Variants in TRPM6 observed in about 807,000 individuals in gnomAD.
TRPM6 encodes the protein transient receptor potential cation channel subfamily M member 6, also known as channel kinase 2.
In TRPM6, 111 loss-of-function variants were observed where a neutral mutation model predicts 247.6. The ratio of observed to expected loss-of-function variants is 0.45; its 90% CI spans 0.38 to 0.52. The LOEUF (loss-of-function observed/expected upper bound fraction) is 0.52, where lower values mean the gene tolerates loss of function less well. Among genes scored for constraint, TRPM6 ranks in the 20% least tolerant of loss-of-function variants. TRPM6 has a pLI of 0.00. For missense variants in TRPM6, 2,126 were observed against 2,421.5 expected (o/e 0.88, Z 2.56); for synonymous variants, 892 against 853.8 (o/e 1.04, Z -0.78).
In TRPM6 at chr9:74,800,319, T is replaced by G; in HGVS notation, c.2173A>C (p.Thr725Pro). Reference sequence around the variant, plus strand: ...CACATGTCTGTCAGTAGCATCTGGGTACAAGTATGTGAAACAAAGGGTCGT... The same window carrying G: ...CACATGTCTGTCAGTAGCATCTGGGGACAAGTATGTGAAACAAAGGGTCGT... The part of the protein sequence containing the change: ...GLRPFVSHTC[T>P]QMLLTDMWMG... Residue 725 changes from threonine to proline, a missense_variant, in exon 17 of 39, where the codon ACC (threonine) becomes CCC (proline). By Grantham distance (38) the Thr-to-Pro change is conservative. Around this residue, in one of 3 missense-constraint regions of TRPM6, gnomAD observed 1,082 missense variants for 1,307.9 expected, o/e 0.83. Coordinates refer to ENST00000360774, the MANE Select transcript of TRPM6 (RefSeq NM_017662.5). 6.2e-7 allele frequency: 1 copy of G among 1,614,164 alleles called. No individual in the cohort carries two copies.
intron 1 of TRPM6, among the ~76,000 whole-genome samples, chr9:74,882,792 C>T (rs1831404170): frequency 6.6e-6 from 1 of 152,320 alleles, no homozygotes; most frequent in African/African-American, 2.4e-5. Flanking sequence ...ATTCAACCAC[C>T]TATTCAAAGT....
intron 13 of TRPM6, among the ~76,000 whole-genome samples, chr9:74,810,226 A>C (rs955328927): frequency 6.6e-6 from 1 of 152,190 alleles, no homozygotes; most frequent in Non-Finnish European, 1.5e-5. Flanking sequence ...GAGGTATAAA[A>C]GTTTGTTAAA....
At chr9:74,829,410 C>A (rs1303318776) in intron 6 of TRPM6, among the ~76,000 whole-genome samples, 1 of 152,198 alleles carries the variant, frequency 6.6e-6, no homozygotes, top group Non-Finnish European at 1.5e-5. Context: ...TGCTCCACTT[C>A]GTATTTGCTT....
At chr9:74,881,123 C>T (rs1449176031) in intron 1 of TRPM6, among the ~76,000 whole-genome samples, 1 of 151,856 alleles carries the variant, frequency 6.6e-6, no homozygotes, top group African/African-American at 2.4e-5. Context: ...AGCGAGATCC[C>T]ATCTCTACAA....
chr9:74,811,317 AT>A (rs1400951573), intron 12 of TRPM6, among the ~76,000 whole-genome samples: 3 of 152,216 alleles, frequency 2.0e-5, no homozygotes, highest in Non-Finnish European at 2.9e-5. Context: ...AACCAACAAT[AT>A]GTGTGGGCTC....
chr9:74,788,020 C>CTT (rs1391132364), intron 20 of TRPM6, among the ~76,000 whole-genome samples: 1 of 148,214 alleles, frequency 6.7e-6, no homozygotes, highest in Non-Finnish European at 1.5e-5. Flanking sequence ...TGGCCCCCTC[C>CTT]TTTTTTTTTT....
chr9:74,845,547 C>T (rs1423770502), intron 3 of TRPM6, among the ~76,000 whole-genome samples: 1 of 152,102 alleles, frequency 6.6e-6, no homozygotes, highest in East Asian at 1.9e-4. Flanking sequence ...AAAAGATAAA[C>T]AGGCCAAGGG....
chr9:74,880,468 C>A (rs891888868), intron 1 of TRPM6, among the ~76,000 whole-genome samples: 3 of 152,110 alleles, frequency 2.0e-5, no homozygotes, highest in African/African-American at 4.8e-5. Flanking sequence ...TATACAGGAA[C>A]CTCCATCAGA....
chr9:74,762,380 G>T lies in TRPM6; in HGVS notation c.4291C>A (p.Pro1431Thr), dbSNP rs1212272098. Residue 1431 changes from proline to threonine, a missense_variant, in exon 26 of 39, where the codon CCT becomes ACT. Pro to Thr is a conservative substitution (Grantham distance 38). This residue lies in a region of TRPM6 where 717 missense variants were observed against 715.9 expected (regional missense o/e 1.00). Coordinates refer to ENST00000360774, the MANE Select transcript of TRPM6 (RefSeq NM_017662.5). ...EQVLPTLSCT[P>T]EPMTMSSPLS... is the part of the protein sequence containing the mutation. Reference sequence around the variant, plus strand: ...GGGGAGCTCATTGTCATGGGTTCAGGTGTGCAACTCAAAGTGGGTAGCACT... The same window carrying T: ...GGGGAGCTCATTGTCATGGGTTCAGTTGTGCAACTCAAAGTGGGTAGCACT... The T allele has an allele frequency of 3.7e-6, 6 of 1,614,198 alleles. No homozygotes were observed. Among genetic ancestry groups the T allele is most frequent in the South Asian group, 1.1e-5 (1 of 91,088 alleles).
intron 11 of TRPM6, among the ~76,000 whole-genome samples, chr9:74,816,465 G>GAAAAAAAAA (rs34100441): frequency 1.1e-5 from 1 of 93,644 alleles, no homozygotes; most frequent in Non-Finnish European, 2.1e-5. Flanking sequence ...GCAGAGCCAG[G>GAAAAAAAAA]AAAAAAAAAA....
At position 74,806,007 on chromosome 9, in the gene TRPM6, AT is replaced by A. The variant is rs538334532; in HGVS notation, c.1638+2026del. Among the ~76,000 whole-genome samples the A allele has an allele frequency of 3.3e-3, 499 of 152,278 alleles. 5 individuals carry two copies. The highest frequency in any genetic ancestry group is 0.012 in the African/African-American group (481 of 41,562). On this transcript the variant is annotated intron_variant, in intron 14 of 38. Transcript: ENST00000360774. The stretch of plus-strand genomic sequence containing the variant: ...CATTGATTATATTAAGGAATTATTC[AT>A]TTTTTATGTATGATAATGGCATCAT...
intron 14 of TRPM6, among the ~76,000 whole-genome samples, chr9:74,805,937 C>G (rs568588479): frequency 2.6e-4 from 39 of 152,188 alleles, no homozygotes; most frequent in African/African-American, 9.4e-4. Flanking sequence ...AATCAGAAAG[C>G]ATTGTGAATG....
chr9:74,726,710 A>T (rs1283919494), intron 38 of TRPM6, among the ~76,000 whole-genome samples: 1 of 152,148 alleles, frequency 6.6e-6, no homozygotes, highest in Non-Finnish European at 1.5e-5. Context: ...GTAGGAATGA[A>T]TCAGACCTGG....
chr9:74,741,089 G>T (rs1825849530), intron 33 of TRPM6, among the ~76,000 whole-genome samples: 1 of 152,074 alleles, frequency 6.6e-6, no homozygotes, highest in Non-Finnish European at 1.5e-5. Flanking sequence ...TGTCTAAAGT[G>T]AATTACAACC....
At chr9:74,844,591 T>C (rs2889333) in intron 3 of TRPM6, among the ~76,000 whole-genome samples, 1 of 152,240 alleles carries the variant, frequency 6.6e-6, no homozygotes, top group Non-Finnish European at 1.5e-5. Context: ...TAGGACCTTA[T>C]TCTGGATTAG....
intron 3 of TRPM6, among the ~76,000 whole-genome samples, chr9:74,842,712 A>C (rs867514171): frequency 6.6e-6 from 1 of 152,246 alleles, no homozygotes; most frequent in Non-Finnish European, 1.5e-5. Context: ...AAGTGTATTA[A>C]GTGTTCAATA....
intron 21 of TRPM6, 62 bp downstream of exon 21, chr9:74,785,812 C>G: frequency 1.3e-6 from 2 of 1,598,170 alleles, no homozygotes; most frequent in Non-Finnish European, 1.7e-6. Context: ...TGTGAGCCAC[C>G]ACACCTGGCT....
At chr9:74,846,295 T>C (rs1320235034) in intron 3 of TRPM6, among the ~76,000 whole-genome samples, 2 of 151,988 alleles carry the variant, frequency 1.3e-5, no homozygotes, top group Non-Finnish European at 2.9e-5. Flanking sequence ...TGTTTGCTTC[T>C]TTTTTTTCCC....
chr9:74,763,230 G>T, intron 25 of TRPM6, 96 bp from the exon 26 acceptor site: 2 of 1,177,998 alleles, frequency 1.7e-6, no homozygotes, highest in Non-Finnish European at 2.5e-6. Flanking sequence ...TGGCTCCTGA[G>T]CCTCAGCTGC....
Sources: allele counts gnomAD v4.1 joint callset (sites outside exome capture counted in the v4.1 genomes callset), GRCh38; gene constraint gnomAD v4.1.1; regional missense constraint gnomAD v4.1.1; transcripts MANE v1.5; gene names NCBI Gene and HGNC (gene_info 2026-07-23, HGNC 2026-07-21).